UPP2: variants seen among roughly 807,000 people sequenced by gnomAD.
The protein encoded by UPP2 is uridine phosphorylase 2.
Under a neutral mutation model 26.7 loss-of-function variants are expected in UPP2, and 23 were observed. The ratio of observed to expected loss-of-function variants is 0.86; its 90% confidence interval spans 0.62 to 1.22. The LOEUF is 1.22. Among genes scored for constraint, UPP2 ranks in the 50% most tolerant of loss-of-function variants. The pLI is 0.00. For missense variants in UPP2, 387 were observed against 396.7 expected (o/e 0.98, Z 0.21); for synonymous variants, 127 against 141.3 (o/e 0.90, Z 0.72).
At chr2:158,094,136 G>T (rs2105204695) in intron 3 of UPP2, among the ~76,000 whole-genome samples, 1 of 151,612 alleles carries the variant, frequency 6.6e-6, no homozygotes, top group Non-Finnish European at 1.5e-5. Flanking sequence ...TACCCCAAAA[G>T]CATACCTACC....
In UPP2 at chr2:158,121,600, A is replaced by G. The variant is rs1683569443; in HGVS notation, c.646A>G (p.Thr216Ala). 6.2e-7 allele frequency: 1 copy of G among 1,612,952 alleles called. No individual in the cohort carries two copies. The highest frequency in any genetic ancestry group is 8.5e-7 in the Non-Finnish European group (1 of 1,179,086). The change falls in exon 5 of 7, where the codon ACC becomes GCC. Residue 216 changes from threonine to alanine, a missense_variant. Thr to Ala is a moderately conservative substitution (Grantham distance 58, BLOSUM62 0). Coordinates refer to ENST00000005756, the MANE Select transcript of UPP2 (RefSeq NM_173355.4). The part of the protein sequence containing the change: ...FPTLVGHTMC[T>A]YDFYEGQGRL... ...AACCCTCGTTGGACATACAATGTGT[A>G]CCTATGATTTTTATGAAGGTGAGAA...
intron 2 of UPP2, among the ~76,000 whole-genome samples, chr2:158,112,052 A>G (rs1241041543): frequency 2.0e-5 from 3 of 152,180 alleles, no homozygotes; most frequent in Non-Finnish European, 4.4e-5. Context: ...TACAGATTCA[A>G]TGCAGTCCCC....
At chr2:158,120,820 G>C (rs1463137722) in intron 4 of UPP2, among the ~76,000 whole-genome samples, 1 of 151,944 alleles carries the variant, frequency 6.6e-6, no homozygotes, top group African/African-American at 2.4e-5. Flanking sequence ...GAAAAGGTGG[G>C]GGGAGGAGGA....
intron 3 of UPP2, chr2:158,065,688 G>C: frequency 6.4e-6 from 4 of 624,518 alleles, no homozygotes; most frequent in South Asian, 1.6e-5. Flanking sequence ...ATAGATAAGA[G>C]TATGTAAAGC....
chr2:158,090,149 A>G (rs905080803), intron 3 of UPP2, among the ~76,000 whole-genome samples: 1 of 152,156 alleles, frequency 6.6e-6, no homozygotes, highest in Non-Finnish European at 1.5e-5. Context: ...TAAATTCTTG[A>G]GGTGATGGAT....
chr2:158,091,243 C>T (rs140543109), intron 3 of UPP2, among the ~76,000 whole-genome samples: 4 of 152,058 alleles, frequency 2.6e-5, no homozygotes, highest in Non-Finnish European at 5.9e-5. Context: ...TACTGGATTC[C>T]CATGGTAAAA....
intron 3 of UPP2, among the ~76,000 whole-genome samples, chr2:158,095,379 T>G (rs1321170292): frequency 6.6e-6 from 1 of 152,174 alleles, no homozygotes; most frequent in Admixed American, 6.5e-5. Context: ...ACCTGATGAC[T>G]AGCAGGGTAA....
At chr2:158,003,027 A>G (rs920078982) in intron 2 of UPP2, among the ~76,000 whole-genome samples, 9 of 152,246 alleles carry the variant, frequency 5.9e-5, no homozygotes, top group Middle Eastern at 3.4e-3. Context: ...GCTACCAAAG[A>G]TGCTAACATA....
At chr2:158,070,009 G>T (rs1462824758) in intron 3 of UPP2, among the ~76,000 whole-genome samples, 1 of 152,004 alleles carries the variant, frequency 6.6e-6, no homozygotes, top group African/African-American at 2.4e-5. Context: ...ACCCCCCAAA[G>T]GCCTCACCAA....
chr2:158,032,036 T>C (rs1683928852), intron 3 of UPP2, among the ~76,000 whole-genome samples: 1 of 152,118 alleles, frequency 6.6e-6, no homozygotes, highest in Non-Finnish European at 1.5e-5. Context: ...AAACCAGAAA[T>C]TTCCCAGGAG....
chr2:158,069,900 A>G (rs10196394), intron 3 of UPP2, among the ~76,000 whole-genome samples: 117,982 of 152,058 alleles, frequency 0.78, 46,767 homozygotes, highest in African/African-American at 0.94. Context: ...CAACAAGAAG[A>G]CTGCTGACTT....
intron 2 of UPP2, among the ~76,000 whole-genome samples, chr2:158,001,258 G>GTTT (rs1683401261): frequency 6.6e-6 from 1 of 152,190 alleles, no homozygotes; most frequent in Admixed American, 6.5e-5. Flanking sequence ...TTATTAAGGA[G>GTTT]ATTATTTATA....
At chr2:158,066,345 A>G (rs1049265384) in intron 3 of UPP2, among the ~76,000 whole-genome samples, 1 of 152,354 alleles carries the variant, frequency 6.6e-6, no homozygotes, top group East Asian at 1.9e-4. Flanking sequence ...GAAATCATGC[A>G]GTATTGAGTT....
At chr2:158,031,797 T>A (rs1683925247) in intron 3 of UPP2, among the ~76,000 whole-genome samples, 1 of 152,276 alleles carries the variant, frequency 6.6e-6, no homozygotes, top group Non-Finnish European at 1.5e-5. Flanking sequence ...TTTCCTACAT[T>A]TTTGGTTTTC....
chr2:158,037,454 G>A (rs895938159), intron 3 of UPP2, among the ~76,000 whole-genome samples: 3 of 152,264 alleles, frequency 2.0e-5, no homozygotes, highest in Admixed American at 1.3e-4. Context: ...AGCACAAACT[G>A]GATAGCTTAA....
intron 3 of UPP2, among the ~76,000 whole-genome samples, chr2:158,047,602 C>T (rs2105168644): frequency 6.6e-6 from 1 of 152,296 alleles, no homozygotes. Context: ...TTTTTTCCAG[C>T]ACCACTCCTT....
intron 3 of UPP2, among the ~76,000 whole-genome samples, chr2:158,072,202 C>A (rs1268901300): frequency 6.6e-6 from 1 of 152,140 alleles, no homozygotes; most frequent in Admixed American, 6.5e-5. Flanking sequence ...GAACTCCCTG[C>A]AAGCCAGTGG....
intron 3 of UPP2, among the ~76,000 whole-genome samples, chr2:158,095,807 T>C (rs998459467): frequency 6.6e-6 from 1 of 152,166 alleles, no homozygotes; most frequent in African/African-American, 2.4e-5. Context: ...TTATTTTTCC[T>C]TATCCTTCAG....
intron 3 of UPP2, among the ~76,000 whole-genome samples, chr2:158,049,903 T>G (rs1682120719): frequency 6.6e-6 from 1 of 152,252 alleles, no homozygotes; most frequent in African/African-American, 2.4e-5. Flanking sequence ...TGGAAAAGAC[T>G]TGAGCAAAAT....
Sources: allele counts gnomAD v4.1 joint callset (sites outside exome capture counted in the v4.1 genomes callset), GRCh38; gene constraint gnomAD v4.1.1; transcripts MANE v1.5; gene names NCBI Gene and HGNC (gene_info 2026-07-23, HGNC 2026-07-21).